MACF1: variants seen among roughly 807,000 people sequenced by gnomAD.
MACF1 encodes microtubule-actin cross-linking factor 1.
MACF1 carries 193 observed loss-of-function variants against 854.8 expected under a neutral mutation model. That is an observed-to-expected ratio of 0.23 (90% CI 0.20 to 0.25). MACF1 has a LOEUF of 0.25. Ranked by LOEUF, MACF1 falls within the 10% of genes least tolerant of loss-of-function variation. MACF1 has a pLI of 1.00. For synonymous variants in MACF1, 3,185 were observed against 3,226.7 expected (o/e 0.99, Z 0.44); for missense variants, 7,722 against 8,929.1 (o/e 0.86, Z 5.45).
At position 39,448,323 on chromosome 1, in the gene MACF1, T is replaced by C. The variant is rs16826147; in HGVS notation, c.20088+171T>C. ...ATATCTAGATGGTCTAATCATGATA[T>C]TTGCTCATTTAAATAACAGTTTAAG... On this transcript the variant is annotated intron_variant, in intron 83 of 100. Coordinates refer to ENST00000564288, the MANE Select transcript of MACF1 (RefSeq NM_001394062.1). 1.7e-3 allele frequency among the ~76,000 whole-genome samples: 261 copies of C among 152,344 alleles called. 7 individuals are homozygous for C. In the East Asian group the frequency reaches 0.044, roughly 26 times the overall value.
At chr1:39,303,871 C>T (rs1234126340) in intron 23 of MACF1, among the ~76,000 whole-genome samples, 3 of 147,290 alleles carry the variant, frequency 2.0e-5, no homozygotes, top group Non-Finnish European at 3.0e-5. Flanking sequence ...AGGGAGACTC[C>T]GTCTCAAAAA....
In MACF1 at chr1:39,486,791, T is replaced by C. The variant is rs562115315; in HGVS notation, c.*997T>C. 2.6e-5 allele frequency: 4 copies of C among 152,716 alleles called. No individual in the cohort carries two copies. The highest frequency in any genetic ancestry group is 4.8e-5 in the African/African-American group (2 of 41,546). The allele number at this position is 152,716 out of a possible 1,614,324, so 9.5% of individuals were successfully genotyped here. A position where few individuals can be genotyped will look rare whatever the true frequency, so the allele number is the denominator to read the frequency against. The stretch of plus-strand genomic sequence containing the variant: ...TGCTTTCGTCTTTTTTTGTGCGTAA[T>C]AAAGTCAACTGACCAAGTGACCATG... On this transcript the variant is annotated 3_prime_UTR_variant, in exon 101 of 101. Coordinates refer to ENST00000564288, the MANE Select transcript of MACF1 (RefSeq NM_001394062.1).
intron 33 of MACF1, 137 bp from the exon 34 acceptor site, chr1:39,324,056 C>A: frequency 1.2e-6 from 1 of 835,204 alleles, no homozygotes; most frequent in Non-Finnish European, 1.8e-6. Context: ...CTAAATTATA[C>A]TTGGGGTTAT....
At position 39,407,533 on chromosome 1, in the gene MACF1, CAG is replaced by C. The variant is rs570003989; in HGVS notation, c.15817-14838_15817-14837del. ...CCACCCCTTTCAGTTTACAGATGGGCAGAGTCTTTTGGATTTGAGTGGGTAGA... is the reference window on the plus strand; with the variant it reads ...CCACCCCTTTCAGTTTACAGATGGGCAGTCTTTTGGATTTGAGTGGGTAGA... On this transcript the variant is annotated intron_variant, in intron 58 of 100. Coordinates refer to ENST00000564288, the MANE Select transcript of MACF1 (RefSeq NM_001394062.1). Among the ~76,000 whole-genome samples the C allele has an allele frequency of 2.4e-4, 37 of 152,310 alleles. No individual in the cohort carries two copies. In the South Asian group the frequency reaches 6.0e-3, roughly 25 times the overall value.
intron 40 of MACF1, among the ~76,000 whole-genome samples, chr1:39,345,411 A>T (rs1647021919): frequency 6.6e-6 from 1 of 151,766 alleles, no homozygotes; most frequent in South Asian, 2.1e-4. Context: ...GGAGTTTGAG[A>T]CCAGCCTGGG....
intron 6 of MACF1, among the ~76,000 whole-genome samples, chr1:39,277,160 A>T (rs980825985): frequency 6.6e-6 from 1 of 152,038 alleles, no homozygotes; most frequent in African/African-American, 2.4e-5. Flanking sequence ...AATGAAAAAA[A>T]AAAAAAACCC....
At position 39,208,153 on chromosome 1, in the gene MACF1, G is replaced by C. The variant is rs1341961520; in HGVS notation, c.109+3022G>C. The stretch of plus-strand genomic sequence containing the variant: ...GTCTCAAAAAAAAAAAAAAAGAAAA[G>C]AAATATAAAAGGGTTTTTTTTTTTT... On this transcript the variant is annotated intron_variant, in intron 1 of 100. Coordinates refer to ENST00000564288, the MANE Select transcript of MACF1 (RefSeq NM_001394062.1). Among the ~76,000 whole-genome samples, 17 of 134,140 alleles carry C rather than the reference G, an allele frequency of 1.3e-4. No homozygotes were observed. In the Admixed American group the frequency reaches 1.4e-3, roughly 11 times the overall value. The allele number at this position is 134,140 out of a possible 152,430, so 88.0% of individuals were successfully genotyped here. A position where few individuals can be genotyped will look rare whatever the true frequency, so the allele number is the denominator to read the frequency against.
chr1:39,300,354 C>A lies in MACF1; in HGVS notation c.2626C>A (p.Gln876Lys), dbSNP rs1398751857. The change falls in exon 22 of 101, where the codon CAG becomes AAG. Residue 876 changes from glutamine to lysine, a missense_variant. Gln to Lys is a moderately conservative substitution (Grantham distance 53). Around this residue, in one of 15 missense-constraint regions of MACF1, gnomAD observed 1,137 missense variants for 1,263.0 expected, o/e 0.90. Coordinates refer to ENST00000564288, the MANE Select transcript of MACF1 (RefSeq NM_001394062.1). ...ISVKAVCDYRQIEITICKNDE... is the reference protein window; with the variant it reads ...ISVKAVCDYRKIEITICKNDE... ...TGTCAAGGCTGTCTGTGACTACAGGCAGATCGAGGTGAGGAGGTAGAAAGG... is the reference window on the plus strand; with the variant it reads ...TGTCAAGGCTGTCTGTGACTACAGGAAGATCGAGGTGAGGAGGTAGAAAGG... 6.2e-6 allele frequency: 10 copies of A among 1,613,494 alleles called. No individual in the cohort carries two copies. Among genetic ancestry groups the A allele is most frequent in the Non-Finnish European group, 8.5e-6 (10 of 1,179,864 alleles).
rs1418033036 is a variant in MACF1 at position 39,217,715 on chromosome 1, C to A, written c.109+12584C>A. 2.7e-5 allele frequency among the ~76,000 whole-genome samples: 4 copies of A among 150,644 alleles called. No homozygotes were observed. In the East Asian group the frequency reaches 7.9e-4, roughly 30 times the overall value. On this transcript the variant is annotated intron_variant, in intron 1 of 100. Transcript: ENST00000564288. ...GCAATATGGTGAAACCCCATCTCTA[C>A]CAAAAATACAAGTTAGCAGGGTGTG...
chr1:39,340,742 A>C, intron 39 of MACF1, 25 bp downstream of exon 39: 1 of 1,612,848 alleles, frequency 6.2e-7, no homozygotes, highest in Non-Finnish European at 8.5e-7. Context: ...TTATTCATAA[A>C]GGCTCACAAA....
At chr1:39,462,343 A>T (rs1644570257) in intron 93 of MACF1, among the ~76,000 whole-genome samples, 1 of 152,116 alleles carries the variant, frequency 6.6e-6, no homozygotes, top group Non-Finnish European at 1.5e-5. Context: ...TGTGTTTGGG[A>T]TGGACTCATC....
At chr1:39,232,204 CTAAAGA>C (rs886531443) in intron 2 of MACF1, among the ~76,000 whole-genome samples, 5 of 150,984 alleles carry the variant, frequency 3.3e-5, no homozygotes, top group East Asian at 3.9e-4. Flanking sequence ...TAAGACTCAC[CTAAAGA>C]TAAACAGTAT....
At chr1:39,134,926 C>T (rs1043906922) in intron 2 of MACF1, among the ~76,000 whole-genome samples, 3 of 152,196 alleles carry the variant, frequency 2.0e-5, no homozygotes, top group Middle Eastern at 3.2e-3. Flanking sequence ...ATTCCAAACC[C>T]ATTAAACAAT....
chr1:39,463,956 G>A (rs1454010187), intron 94 of MACF1: 1 of 329,690 alleles, frequency 3.0e-6, no homozygotes, highest in Non-Finnish European at 5.9e-6. Context: ...AGTTCCTAGG[G>A]GGATGAAGGT....
intron 6 of MACF1, among the ~76,000 whole-genome samples, chr1:39,266,914 C>T (rs1645239261): frequency 6.6e-6 from 1 of 152,180 alleles, no homozygotes; most frequent in South Asian, 2.1e-4. Flanking sequence ...TTCAGACTTC[C>T]TGCCCTACTG....
chr1:39,332,639 G>A lies in MACF1; in HGVS notation c.6051G>A (p.Glu2017=). Residue 2017 remains glutamate (E), a synonymous_variant, in exon 37 of 101, where the codon GAG becomes GAA. Coordinates refer to ENST00000564288, the MANE Select transcript of MACF1 (RefSeq NM_001394062.1). ...GGCATCAAAGGCAAAAAACTCCTGA[G>A]GGATTGCAAGAATCAGCTAATGTGA... is the stretch of plus-strand genomic sequence containing the variant. ...EIGHQRQKTP[E]GLQESANVKI... The A allele has an allele frequency of 6.2e-7, 1 of 1,614,160 alleles. No homozygotes were observed. Among genetic ancestry groups the A allele is most frequent in the South Asian group, 1.1e-5 (1 of 91,072 alleles).
rs141949859 is a variant in MACF1 at position 39,388,125 on chromosome 1, G to A, written c.15283G>A (p.Val5095Ile). ...DASQLLHQAE[V>I]AQQEFLEVKQ... ...TTCTCAACTTCTCCACCAAGCTGAG[G>A]TCGCCCAGCAAGAGTTCCTCGAAGT... The change falls in exon 58 of 101, where the codon GTC becomes ATC. Residue 5095 changes from valine (V) to isoleucine (I), a missense_variant. Around this residue, in one of 15 missense-constraint regions of MACF1, gnomAD observed 2,807 missense variants for 3,235.8 expected, o/e 0.87. Transcript: ENST00000564288. The A allele has an allele frequency of 1.1e-4, 178 of 1,614,110 alleles. No individual in the cohort carries two copies. Among genetic ancestry groups the A allele is most frequent in the Non-Finnish European group, 1.5e-4 (175 of 1,180,006 alleles).
At chr1:39,137,226 C>T (rs992403372) in intron 2 of MACF1, among the ~76,000 whole-genome samples, 9 of 152,296 alleles carry the variant, frequency 5.9e-5, no homozygotes, top group Admixed American at 2.0e-4. Flanking sequence ...TACACCACCA[C>T]GCCTGGCTGA....
chr1:39,484,780 A>G (rs1444777876), intron 100 of MACF1, 50 bp downstream of exon 100: 1 of 1,610,658 alleles, frequency 6.2e-7, no homozygotes, highest in Non-Finnish European at 8.5e-7. Flanking sequence ...TTTGGAAACA[A>G]CAGCCTATGT....
Sources: allele counts gnomAD v4.1 joint callset (sites outside exome capture counted in the v4.1 genomes callset), GRCh38; gene constraint gnomAD v4.1.1; regional missense constraint gnomAD v4.1.1; transcripts MANE v1.5; gene names NCBI Gene and HGNC (gene_info 2026-07-23, HGNC 2026-07-21).